Variants in GLIS3 observed in about 807,000 individuals in gnomAD.
GLIS3 encodes GLIS family zinc finger 3.
Under a neutral mutation model 78.6 loss-of-function variants are expected in GLIS3, and 53 were observed. The observed-to-expected ratio is 0.67, with a 90% CI of 0.54 to 0.85. The LOEUF is 0.85. Among genes scored for constraint, GLIS3 ranks in the 40% least tolerant of loss-of-function variants. The probability of loss-of-function intolerance (pLI) is 0.00; values close to 1 mark genes in which losing one functional copy is unlikely to be tolerated. For synonymous variants in GLIS3, 684 were observed against 509.9 expected, an observed-to-expected ratio of 1.34 and a Z score of -4.60; for missense variants, 1,703 against 1,231.1, an observed-to-expected ratio of 1.38 and a Z score of -5.74.
chr9:4,270,921 G>C (rs929575643), intron 2 of GLIS3, among the ~76,000 whole-genome samples: 3 of 76,502 alleles, frequency 3.9e-5, no homozygotes, highest in African/African-American at 1.5e-4. Context: ...GTGTGTGTGT[G>C]TGTGTGTGTG....
chr9:4,037,565 C>A (rs559242879), intron 4 of GLIS3, among the ~76,000 whole-genome samples: 1 of 152,094 alleles, frequency 6.6e-6, no homozygotes, highest in African/African-American at 2.4e-5. Context: ...CACACACACA[C>A]ACACACACAC....
the GLIS3 span, among the ~76,000 whole-genome samples, chr9:4,411,930 T>C: frequency 3.3e-5 from 5 of 152,258 alleles, no homozygotes; most frequent in Non-Finnish European, 1.5e-5. Flanking sequence ...TGGTCCTAAC[T>C]AGTTTAGATA....
intron 4 of GLIS3, among the ~76,000 whole-genome samples, chr9:4,058,449 TA>T (rs33952886): frequency 1.3e-4 from 19 of 147,714 alleles, no homozygotes; most frequent in South Asian, 2.2e-4. Context: ...TTCCCCTATT[TA>T]AAAAAAAAAA....
intron 2 of GLIS3, among the ~76,000 whole-genome samples, chr9:4,178,957 G>A (rs933853524): frequency 6.6e-6 from 1 of 152,190 alleles, no homozygotes; most frequent in Non-Finnish European, 1.5e-5. Context: ...CTTATAAATA[G>A]ATAGTAGTTT....
chr9:3,836,745 C>T (rs974412927), intron 9 of GLIS3, among the ~76,000 whole-genome samples: 1 of 152,186 alleles, frequency 6.6e-6, no homozygotes, highest in South Asian at 2.1e-4. Flanking sequence ...ATGCTGACAG[C>T]CACACCAGGG....
chr9:4,368,160 G>A, the GLIS3 span, among the ~76,000 whole-genome samples: 128 of 152,158 alleles, frequency 8.4e-4, no homozygotes, highest in African/African-American at 3.0e-3. Context: ...GCTTTTAAGT[G>A]GTGTTTTTAT....
intron 3 of GLIS3, among the ~76,000 whole-genome samples, chr9:4,123,514 T>C (rs1832342925): frequency 6.6e-6 from 1 of 152,132 alleles, no homozygotes. Flanking sequence ...AACAACTAAG[T>C]GCCAACTAAC....
At chr9:4,173,374 T>C (rs1368940549) in intron 2 of GLIS3, among the ~76,000 whole-genome samples, 1 of 152,152 alleles carries the variant, frequency 6.6e-6, no homozygotes, top group Non-Finnish European at 1.5e-5. Flanking sequence ...CATCCTCTAA[T>C]TTGTCCCTAA....
At chr9:4,016,810 G>A (rs1822479248) in intron 4 of GLIS3, among the ~76,000 whole-genome samples, 1 of 152,130 alleles carries the variant, frequency 6.6e-6, no homozygotes, top group Non-Finnish European at 1.5e-5. Flanking sequence ...GGACTCCATT[G>A]TTGGGCAAAG....
chr9:4,404,984 T>C, the GLIS3 span, among the ~76,000 whole-genome samples: 4 of 151,488 alleles, frequency 2.6e-5, no homozygotes, highest in African/African-American at 7.3e-5. Context: ...CCAGAGTAAC[T>C]AGGAAAAAAA....
chr9:4,242,826 A>C (rs1435814057), intron 2 of GLIS3, among the ~76,000 whole-genome samples: 1 of 152,212 alleles, frequency 6.6e-6, no homozygotes, highest in Admixed American at 6.5e-5. Context: ...TTTTAGATAA[A>C]AATGTATTAC....
chr9:4,275,283 C>T (rs994674055), intron 2 of GLIS3, among the ~76,000 whole-genome samples: 1 of 152,094 alleles, frequency 6.6e-6, no homozygotes, highest in African/African-American at 2.4e-5. Context: ...AGTAAGTGCC[C>T]ATTTCTTCAG....
chr9:3,859,862 A>G (rs1033110545), intron 8 of GLIS3, among the ~76,000 whole-genome samples: 3 of 152,246 alleles, frequency 2.0e-5, no homozygotes, highest in Non-Finnish European at 4.4e-5. Context: ...AGCTAACCAG[A>G]TAACTGAGTC....
the GLIS3 span, among the ~76,000 whole-genome samples, chr9:4,374,728 G>C: frequency 8.6e-5 from 13 of 151,606 alleles, no homozygotes; most frequent in Non-Finnish European, 1.8e-4. Flanking sequence ...CATACATAAA[G>C]CAGGCTTATA....
At chr9:4,390,236 T>C in the GLIS3 span, among the ~76,000 whole-genome samples, 1 of 152,280 alleles carries the variant, frequency 6.6e-6, no homozygotes, top group Non-Finnish European at 1.5e-5. Flanking sequence ...CAATCACTTC[T>C]ATGTATTGAG....
At chr9:4,313,769 C>T (rs1817398957) in intron 2 of GLIS3, among the ~76,000 whole-genome samples, 1 of 152,190 alleles carries the variant, frequency 6.6e-6, no homozygotes, top group Non-Finnish European at 1.5e-5. Flanking sequence ...CCGCAGCCTT[C>T]CCTGGGAGTC....
chr9:4,154,174 T>C (rs961442483), intron 2 of GLIS3, among the ~76,000 whole-genome samples: 2 of 152,188 alleles, frequency 1.3e-5, no homozygotes, highest in Non-Finnish European at 2.9e-5. Flanking sequence ...CCAACAGATG[T>C]AGCATCACTT....
At chr9:4,465,826 G>C in the GLIS3 span, among the ~76,000 whole-genome samples, 1 of 152,140 alleles carries the variant, frequency 6.6e-6, no homozygotes, top group Non-Finnish European at 1.5e-5. Context: ...TGGTAGATTA[G>C]TGCTCCTGCT....
chr9:4,003,599 C>G (rs1012261000), intron 4 of GLIS3, among the ~76,000 whole-genome samples: 3 of 152,162 alleles, frequency 2.0e-5, no homozygotes, highest in Admixed American at 6.5e-5. Flanking sequence ...ACATCTTGCT[C>G]AATGTTTTGA....
Sources: allele counts gnomAD v4.1 joint callset (sites outside exome capture counted in the v4.1 genomes callset), GRCh38; gene constraint gnomAD v4.1.1; transcripts MANE v1.5; gene names NCBI Gene and HGNC (gene_info 2026-07-23, HGNC 2026-07-21).